The following DHRS1 variants were observed in gnomAD, a reference collection of about 807,000 sequenced individuals.
DHRS1 encodes dehydrogenase/reductase 1.
In DHRS1, 34 loss-of-function variants were observed where a neutral mutation model predicts 35.2. The observed-to-expected ratio is 0.97, with a 90% CI of 0.74 to 1.29. The LOEUF is 1.29. Among genes scored for constraint, DHRS1 ranks in the 50% most tolerant of loss-of-function variants. The pLI is 0.00. For missense variants in DHRS1, 354 were observed against 403.6 expected, an observed-to-expected ratio of 0.88 and a Z score of 1.05; for synonymous variants, 133 against 160.0, an observed-to-expected ratio of 0.83 and a Z score of 1.27.
At position 24,290,616 on chromosome 14, in the gene DHRS1, T is replaced by C; in HGVS notation, c.*243A>G. 2.2e-6 allele frequency: 1 copy of C among 463,704 alleles called. No homozygotes were observed. The highest frequency in any genetic ancestry group is 3.8e-5 in the Admixed American group (1 of 26,478). 28.7% of individuals were successfully genotyped at this position (463,704 alleles called of 1,614,324 possible). A position where few individuals can be genotyped will look rare whatever the true frequency, so the allele number is the denominator to read the frequency against. On this transcript the variant is annotated 3_prime_UTR_variant, in exon 9 of 9. Coordinates refer to ENST00000288111, the MANE Select transcript of DHRS1 (RefSeq NM_001136050.3). ...AAACACATTGAAAGAGAAATGAGAC[T>C]TTTATTAGCTCCAAGAGCATTTTTC...
In DHRS1 at chr14:24,292,255, TC is replaced by T. The variant is rs750578706; in HGVS notation, c.582del (p.Ile195LeufsTer7). ...HGVSCVSLWP[G>X]IVQTELLKEH... is the part of the protein sequence containing the mutation. ...TCCTTCAGCAGTTCTGTCTGCACAATCCCCGGCCACAGAGACACACAGCTGA... is the reference window on the plus strand; with the variant it reads ...TCCTTCAGCAGTTCTGTCTGCACAATCCCGGCCACAGAGACACACAGCTGA... On this transcript the variant is annotated frameshift_variant, in exon 6 of 9. Coordinates refer to ENST00000288111, the MANE Select transcript of DHRS1 (RefSeq NM_001136050.3). LOFTEE classifies it high-confidence loss of function. 6.8e-6 allele frequency: 11 copies of T among 1,613,758 alleles called. No individual in the cohort carries two copies. Among genetic ancestry groups the T allele is most frequent in the Non-Finnish European group, 9.3e-6 (11 of 1,179,978 alleles).
chr14:24,296,935 A>G, intron 2 of DHRS1, 54 bp from the exon 3 acceptor site: 3 of 1,609,622 alleles, frequency 1.9e-6, no homozygotes, highest in Non-Finnish European at 1.7e-6. Context: ...GTGAGTCATG[A>G]CAAAACTCCC....
chr14:24,293,105 A>G, intron 4 of DHRS1: 1 of 282,730 alleles, frequency 3.5e-6, no homozygotes, highest in South Asian at 6.0e-5. Context: ...TAGAAAAACT[A>G]TAAAACCATG....
chr14:24,296,664 G>A (rs777108915), intron 3 of DHRS1, 74 bp downstream of exon 3: 49 of 1,613,486 alleles, frequency 3.0e-5, no homozygotes, highest in Non-Finnish European at 4.2e-5. Context: ...AAGGGACAAT[G>A]AGTGGGGATG....
intron 6 of DHRS1, 60 bp from the exon 7 acceptor site, chr14:24,291,685 T>C: frequency 6.6e-7 from 1 of 1,521,100 alleles, no homozygotes; most frequent in Non-Finnish European, 9.1e-7. Context: ...CCAGGTCTCC[T>C]CCCCATTTCA....
chr14:24,292,224 A>C lies in DHRS1; in HGVS notation c.614T>G (p.Met205Arg). Residue 205 changes from methionine to arginine, a missense_variant, in exon 6 of 9, where the codon ATG becomes AGG. Met to Arg is a moderately conservative substitution (Grantham distance 91). Transcript: ENST00000288111. Reference sequence around the variant, plus strand: ...ATCCTGCAGGACCTCCTCCTTTGCCATATGCTCCTTCAGCAGTTCTGTCTG... The same window carrying C: ...ATCCTGCAGGACCTCCTCCTTTGCCCTATGCTCCTTCAGCAGTTCTGTCTG... ...IVQTELLKEH[M>R]AKEEVLQDPV... 6.2e-7 allele frequency: 1 copy of C among 1,613,982 alleles called. No individual in the cohort carries two copies. The highest frequency in any genetic ancestry group is 2.2e-5 in the East Asian group (1 of 44,872).
intron 1 of DHRS1, 95 bp from the exon 2 acceptor site, chr14:24,299,225 G>A (rs2041322130): frequency 7.5e-6 from 9 of 1,197,072 alleles, no homozygotes; most frequent in Non-Finnish European, 1.0e-5. Flanking sequence ...CTAGGGCTAA[G>A]AGGAGGAGCC....
At chr14:24,292,602 TA>T in intron 5 of DHRS1, 49 bp downstream of exon 5, 1 of 1,614,062 alleles carries the variant, frequency 6.2e-7, no homozygotes, top group Non-Finnish European at 8.5e-7. Flanking sequence ...GAGCTATAGG[TA>T]ACATCACTGT....
rs369406238 is a variant in DHRS1 at position 24,298,973 on chromosome 14, C to G, written c.134G>C (p.Arg45Pro). The G allele has an allele frequency of 1.9e-6, 3 of 1,611,656 alleles. No individual in the cohort carries two copies. In the Admixed American group the frequency reaches 5.0e-5, roughly 27 times the overall value. The change falls in exon 2 of 9, where the codon CGC becomes CCC. Residue 45 changes from arginine (R) to proline (P), a missense_variant. Transcript: ENST00000288111. The stretch of plus-strand genomic sequence containing the variant: ...AGCACTCACCTCCTGAGCAACAACG[C>G]GAAGGGTGTCCAGATGGCGGCCAGT... ...YITGRHLDTL[R>P]VVAQEAQSLG...
At chr14:24,292,118 C>A in intron 6 of DHRS1, 66 bp downstream of exon 6, 2 of 1,599,058 alleles carry the variant, frequency 1.3e-6, no homozygotes, top group East Asian at 4.5e-5. Context: ...AGTATCTGAT[C>A]TTGTTATTGA....
rs1315963016 is a variant in DHRS1 at position 24,299,024 on chromosome 14, C to T, written c.83G>A (p.Cys28Tyr). 2.5e-6 allele frequency: 4 copies of T among 1,613,930 alleles called. No homozygotes were observed. Among genetic ancestry groups the T allele is most frequent in the Non-Finnish European group, 3.4e-6 (4 of 1,179,940 alleles). Residue 28 changes from cysteine (C) to tyrosine (Y), a missense_variant, in exon 2 of 9, where the codon TGC (cysteine) becomes TAC (tyrosine). Cys to Tyr is a radical substitution (Grantham distance 194). Transcript: ENST00000288111. ...GATGTAAACTGTGGCGCCTGCTTTG[C>T]AGAGCTGCAAGGCAATGCCACGGCC... is the stretch of plus-strand genomic sequence containing the variant. ...GIGRGIALQL[C>Y]KAGATVYITG...
intron 4 of DHRS1, among the ~76,000 whole-genome samples, chr14:24,295,512 C>T (rs1053771545): frequency 1.5e-4 from 23 of 152,240 alleles, no homozygotes; most frequent in African/African-American, 5.3e-4. Context: ...CTGTCAGGGG[C>T]TCATCAAGGG....
chr14:24,295,006 TA>T (rs2041224563), intron 4 of DHRS1, among the ~76,000 whole-genome samples: 1 of 152,202 alleles, frequency 6.6e-6, no homozygotes, highest in Non-Finnish European at 1.5e-5. Flanking sequence ...ATTAAATCTT[TA>T]AAAAGTACAT....
chr14:24,292,801 G>C lies in DHRS1; in HGVS notation c.375-17C>G. On this transcript the variant is annotated splice_polypyrimidine_tract_variant and intron_variant, in intron 4 of 8. Coordinates refer to ENST00000288111, the MANE Select transcript of DHRS1 (RefSeq NM_001136050.3). ...TAGTGGCCTCTAGAAGGTGGGGCAA[G>C]GGAAGAAGGAATGAACCGTGTTAGT... 6.2e-7 allele frequency: 1 copy of C among 1,607,362 alleles called. No homozygotes were observed. Among genetic ancestry groups the C allele is most frequent in the South Asian group, 1.1e-5 (1 of 90,392 alleles).
At chr14:24,299,210 C>T (rs2041321820) in intron 1 of DHRS1, 80 bp from the exon 2 acceptor site, 3 of 1,348,312 alleles carry the variant, frequency 2.2e-6, no homozygotes, top group South Asian at 1.4e-5. Flanking sequence ...TAGGGGAGAA[C>T]CTCACTAGGG....
intron 5 of DHRS1, 54 bp from the exon 6 acceptor site, chr14:24,292,384 C>A: frequency 6.2e-7 from 1 of 1,606,498 alleles, no homozygotes; most frequent in Non-Finnish European, 8.5e-7. Context: ...CACTTTCCTG[C>A]CCTGCCCTCT....
intron 1 of DHRS1, 38 bp from the exon 2 acceptor site, chr14:24,299,168 G>C (rs552374808): frequency 6.4e-7 from 1 of 1,557,442 alleles, no homozygotes; most frequent in East Asian, 2.3e-5. Flanking sequence ...GAAGCCTGGA[G>C]ACTGTGTGTG....
Position 24,292,167 on chromosome 14 carries a change from G to A in DHRS1, c.654+17C>T, listed in dbSNP as rs779069650. On this transcript the variant is annotated intron_variant, in intron 6 of 8. Coordinates refer to ENST00000288111, the MANE Select transcript of DHRS1 (RefSeq NM_001136050.3). ...GACTCCCCTGTTCTCTGCTTCCTTC[G>A]CCCTCCCCTTGCCAACCTGCTTCAA... is the stretch of plus-strand genomic sequence containing the variant. The A allele has an allele frequency of 1.1e-5, 18 of 1,613,754 alleles. No homozygotes were observed. The African/African-American group carries it at 1.5e-4, about 13-fold the overall frequency.
chr14:24,291,630 A>G lies in DHRS1; in HGVS notation c.655-5T>C, dbSNP rs920921063. On this transcript the variant is annotated splice_region_variant and splice_polypyrimidine_tract_variant and intron_variant, in intron 6 of 8. Coordinates refer to ENST00000288111, the MANE Select transcript of DHRS1 (RefSeq NM_001136050.3). The stretch of plus-strand genomic sequence containing the variant: ...AGATGAGAAGGCTGATTTGAACTGA[A>G]ACACAGGGGCAGAGAAGTGAAGGGT... 8.1e-6 allele frequency: 13 copies of G among 1,613,998 alleles called. No individual in the cohort carries two copies. The highest frequency in any genetic ancestry group is 9.3e-6 in the Non-Finnish European group (11 of 1,179,954).
Sources: gnomAD v4.1 joint callset for allele counts (sites outside exome capture counted in the v4.1 genomes callset) on GRCh38, gnomAD v4.1.1 for gene constraint, MANE v1.5 for transcripts, NCBI Gene and HGNC (gene_info 2026-07-23, HGNC 2026-07-21) for gene names.